Variants in LEKR1 observed in about 807,000 individuals in gnomAD.
The protein encoded by LEKR1 is protein LEKR1.
In LEKR1, 59 loss-of-function variants were observed where a neutral mutation model predicts 72.4. The observed-to-expected ratio is 0.82, with a 90% CI of 0.66 to 1.01. LEKR1 has a LOEUF of 1.01. Ranked by LOEUF, LEKR1 falls within the 50% of genes least tolerant of loss-of-function variation. The pLI is 0.00. For synonymous variants in LEKR1, 257 were observed against 263.2 expected, an observed-to-expected ratio of 0.98 and a Z score of 0.23; for missense variants, 728 against 759.2, an observed-to-expected ratio of 0.96 and a Z score of 0.48.
chr3:157,021,299 C>T (rs1442811932), intron 10 of LEKR1, among the ~76,000 whole-genome samples: 1 of 151,740 alleles, frequency 6.6e-6, no homozygotes, highest in East Asian at 1.9e-4. Context: ...TCCCATTTGT[C>T]AATTTTGTCT....
At chr3:156,970,740 T>C (rs1729096791) in intron 6 of LEKR1, among the ~76,000 whole-genome samples, 1 of 152,150 alleles carries the variant, frequency 6.6e-6, no homozygotes, top group South Asian at 2.1e-4. Flanking sequence ...CCATTCACAA[T>C]TGCTTCAAAG....
intron 6 of LEKR1, among the ~76,000 whole-genome samples, chr3:156,956,823 A>C (rs1029049151): frequency 4.6e-5 from 7 of 152,078 alleles, no homozygotes; most frequent in Admixed American, 2.6e-4. Flanking sequence ...GGATTTATTC[A>C]ACTGTGTAAG....
chr3:156,828,886 T>A (rs344072), intron 1 of LEKR1, among the ~76,000 whole-genome samples: 1 of 151,864 alleles, frequency 6.6e-6, no homozygotes, highest in Non-Finnish European at 1.5e-5. Context: ...TTTTTTCATC[T>A]GCTAAAATAC....
chr3:156,942,895 T>C (rs1305458139), intron 6 of LEKR1, 181 bp downstream of exon 6: 2 of 297,800 alleles, frequency 6.7e-6, no homozygotes, highest in Non-Finnish European at 1.3e-5. Context: ...GCTGTCATCA[T>C]TTCCAGTTTT....
chr3:156,983,481 G>T, intron 7 of LEKR1, among the ~76,000 whole-genome samples: 1 of 152,074 alleles, frequency 6.6e-6, no homozygotes, highest in East Asian at 1.9e-4. Flanking sequence ...CAGATAATCT[G>T]GTTCTATATT....
intron 3 of LEKR1, among the ~76,000 whole-genome samples, chr3:156,894,978 G>A (rs1429939587): frequency 2.6e-5 from 4 of 152,106 alleles, no homozygotes; most frequent in Non-Finnish European, 5.9e-5. Flanking sequence ...ATAGGCATGG[G>A]CAAAGATTTC....
At chr3:156,981,632 T>C (rs1019486521) in intron 7 of LEKR1, among the ~76,000 whole-genome samples, 1 of 152,216 alleles carries the variant, frequency 6.6e-6, no homozygotes, top group African/African-American at 2.4e-5. Context: ...CTATACTCTA[T>C]CTACTCTCCT....
At position 157,024,896 on chromosome 3, in the gene LEKR1, A is replaced by G. The variant is rs1734080608; in HGVS notation, c.1340A>G (p.Lys447Arg). 1.3e-6 allele frequency: 2 copies of G among 1,597,202 alleles called. No individual in the cohort carries two copies. The highest frequency in any genetic ancestry group is 1.1e-5 in the South Asian group (1 of 88,588). ...CACCAAGATGTAATCCAAAAGTATAAGAAAGAACAAGAGGAACTACAAATG... is the reference window on the plus strand; with the variant it reads ...CACCAAGATGTAATCCAAAAGTATAGGAAAGAACAAGAGGAACTACAAATG... ...EKHQDVIQKY[K>R]KEQEELQMKI... The change falls in exon 11 of 13, where the codon AAG becomes AGG. Residue 447 changes from lysine (K) to arginine (R), a missense_variant. By Grantham distance (26) the Lys-to-Arg change is conservative. Transcript: ENST00000356539.
At chr3:157,017,435 C>T (rs1373842626) in intron 10 of LEKR1, 7 of 152,196 alleles carry the variant, frequency 4.6e-5, no homozygotes, top group Admixed American at 4.6e-4. Flanking sequence ...TGTCCCCATC[C>T]TCCCTTACTG....
intron 6 of LEKR1, chr3:156,977,909 C>T (rs749173870): frequency 1.3e-4 from 21 of 162,268 alleles, no homozygotes; most frequent in Middle Eastern, 1.0e-3. Flanking sequence ...ACACTTTTTA[C>T]ATGTACATTT....
At chr3:156,970,818 C>T (rs1230872289) in intron 6 of LEKR1, among the ~76,000 whole-genome samples, 2 of 151,976 alleles carry the variant, frequency 1.3e-5, no homozygotes, top group Non-Finnish European at 2.9e-5. Flanking sequence ...AATTACAAAC[C>T]ACTGCTCAAG....
chr3:157,028,630 A>G (rs1011143851), intron 12 of LEKR1, among the ~76,000 whole-genome samples: 3 of 152,162 alleles, frequency 2.0e-5, no homozygotes, highest in Non-Finnish European at 2.9e-5. Flanking sequence ...TGAACTACAT[A>G]ATCTCTAAAA....
At chr3:156,930,113 T>C in intron 5 of LEKR1, among the ~76,000 whole-genome samples, 1 of 152,158 alleles carries the variant, frequency 6.6e-6, no homozygotes, top group Non-Finnish European at 1.5e-5. Flanking sequence ...TACCAAATTA[T>C]GCATGGGTCC....
Position 157,045,630 on chromosome 3 carries a change from G to A in LEKR1, c.1959G>A (p.Arg653=), listed in dbSNP as rs758938812. 2.5e-6 allele frequency: 4 copies of A among 1,614,150 alleles called. No homozygotes were observed. The East Asian group carries it at 8.9e-5, about 36-fold the overall frequency. ...TTFPTSDKPK[R]VRSGVPILPQ... ...TCCCAACCTCAGATAAGCCGAAGAG[G>A]GTTAGATCAGGCGTGCCCATTCTCC... Residue 653 remains arginine (R), a synonymous_variant, in exon 13 of 13, where the codon AGG becomes AGA. Coordinates refer to ENST00000356539, the MANE Select transcript of LEKR1 (RefSeq NM_001004316.3).
intron 4 of LEKR1, chr3:156,920,919 T>C (rs1189202266): frequency 3.8e-6 from 1 of 261,106 alleles, no homozygotes; most frequent in Admixed American, 5.6e-5. Context: ...TAGTGCCTTG[T>C]TACTGTTCTT....
intron 5 of LEKR1, among the ~76,000 whole-genome samples, chr3:156,935,172 G>A (rs376846414): frequency 4.6e-5 from 7 of 152,132 alleles, no homozygotes; most frequent in African/African-American, 1.2e-4. Flanking sequence ...TACCATTATA[G>A]TATATCACTT....
intron 6 of LEKR1, among the ~76,000 whole-genome samples, chr3:156,964,507 G>C (rs1560111197): frequency 6.6e-6 from 1 of 151,996 alleles, no homozygotes; most frequent in Non-Finnish European, 1.5e-5. Flanking sequence ...TTGTTTTGTT[G>C]CTTTTTACTT....
chr3:156,969,643 C>CA (rs368405875), intron 6 of LEKR1, among the ~76,000 whole-genome samples: 4,827 of 152,020 alleles, frequency 0.032, 119 homozygotes, highest in Non-Finnish European at 0.047. Flanking sequence ...GCTTACCAAC[C>CA]AAAAAAAGTC....
chr3:156,973,173 TATTC>T (rs938040172), intron 6 of LEKR1, among the ~76,000 whole-genome samples: 4 of 152,150 alleles, frequency 2.6e-5, no homozygotes, highest in African/African-American at 9.7e-5. Flanking sequence ...TGCGAAGTTT[TATTC>T]ATTCTTTCAG....
Sources: allele counts gnomAD v4.1 joint callset (sites outside exome capture counted in the v4.1 genomes callset), GRCh38; gene constraint gnomAD v4.1.1; transcripts MANE v1.5; gene names NCBI Gene and HGNC (gene_info 2026-07-23, HGNC 2026-07-21).